Variants in TENT4A observed in about 807,000 individuals in gnomAD.
TENT4A encodes DNA polymerase kappa.
Under a neutral mutation model 72.8 loss-of-function variants are expected in TENT4A, and 7 were observed. That is an observed-to-expected ratio of 0.10 (90% CI 0.05 to 0.18). The LOEUF (loss-of-function observed/expected upper bound fraction) is 0.18, where lower values mean the gene tolerates loss of function less well. TENT4A is among the 10% of genes least tolerant of loss of function. The probability of loss-of-function intolerance (pLI) is 1.00; values close to 1 mark genes in which losing one functional copy is unlikely to be tolerated. For synonymous variants in TENT4A, 456 were observed against 434.3 expected (o/e 1.05, Z -0.62); for missense variants, 831 against 1,017.7 (o/e 0.82, Z 2.50).
intron 1 of TENT4A, among the ~76,000 whole-genome samples, chr5:6,718,759 G>T (rs1740507225): frequency 6.6e-6 from 1 of 152,218 alleles, no homozygotes; most frequent in Non-Finnish European, 1.5e-5. Flanking sequence ...TGAAAATCGA[G>T]TGCAAGACAC....
At chr5:6,719,181 A>G (rs891196014) in intron 1 of TENT4A, among the ~76,000 whole-genome samples, 47 of 152,268 alleles carry the variant, frequency 3.1e-4, no homozygotes, top group African/African-American at 1.0e-3. Context: ...GTCTCAAGGT[A>G]AAGTCTCAAA....
rs201308363 is a variant in TENT4A, at chr5:6,742,562, G to A, written c.1081G>A (p.Val361Ile). ...CATCAGCTTTAACATGGAGACGGGC[G>A]TCCGGGCAGCGGAGTTCATCAAGAA... is the stretch of plus-strand genomic sequence containing the variant. ...VDISFNMETGVRAAEFIKNYM... is the reference protein window; with the variant it reads ...VDISFNMETGIRAAEFIKNYM... The change falls in exon 5 of 13, where the codon GTC becomes ATC. Residue 361 changes from valine to isoleucine, a missense_variant. Physicochemically the swap from Val to Ile is conservative, Grantham distance 29. Transcript: ENST00000230859. 3.1e-5 allele frequency: 50 copies of A among 1,612,964 alleles called. 1 individual carries two copies. The highest frequency in any genetic ancestry group is 6.7e-5 in the East Asian group (3 of 44,878).
chr5:6,750,126 A>G (rs1742315438), intron 9 of TENT4A, among the ~76,000 whole-genome samples: 1 of 152,264 alleles, frequency 6.6e-6, no homozygotes, highest in Non-Finnish European at 1.5e-5. Context: ...TGATTTGCAT[A>G]CCCAAGTTAT....
rs10037633 is a variant in TENT4A, at chr5:6,755,243, C to T, written c.*298C>T. Reference sequence around the variant, plus strand: ...CTGCAGGGACGTGAACATGCGCTTGCGGTTTGAGGTAGCCGTGTCTGTTCC... The same window carrying T: ...CTGCAGGGACGTGAACATGCGCTTGTGGTTTGAGGTAGCCGTGTCTGTTCC... On this transcript the variant is annotated 3_prime_UTR_variant, in exon 13 of 13. Transcript: ENST00000230859. 4.1e-3 allele frequency: 1,168 copies of T among 284,658 alleles called. 12 individuals carry two copies. The highest frequency in any genetic ancestry group is 0.022 in the African/African-American group (1,007 of 46,164). The allele number at this position is 284,658 out of a possible 1,614,324, so 17.6% of individuals were successfully genotyped here.
At chr5:6,754,603 A>T in intron 12 of TENT4A, 148 bp from the exon 13 acceptor site, 2 of 484,386 alleles carry the variant, frequency 4.1e-6, no homozygotes, top group East Asian at 6.6e-5. Context: ...TTTCTCTCAG[A>T]TGGAGGAGTT....
At position 6,746,369 on chromosome 5, in the gene TENT4A, A is replaced by G. The variant is rs1350783024; in HGVS notation, c.1401A>G (p.Lys467=). 1 of 1,614,098 alleles carries G rather than the reference A, an allele frequency of 6.2e-7. No homozygotes were observed. Reference sequence around the variant, plus strand: ...ATATCGCCAAAGAGGAGATCATGAAAGCCATGACCAGCGGGTACAGACCGT... The same window carrying G: ...ATATCGCCAAAGAGGAGATCATGAAGGCCATGACCAGCGGGTACAGACCGT... ...GAYIAKEEIM[K]AMTSGYRPSM... The change falls in exon 7 of 13, where the codon AAA becomes AAG. Residue 467 remains lysine (K), a synonymous_variant. Transcript: ENST00000230859.
At chr5:6,747,307 C>T (rs1742158434) in intron 7 of TENT4A, among the ~76,000 whole-genome samples, 1 of 152,140 alleles carries the variant, frequency 6.6e-6, no homozygotes, top group South Asian at 2.1e-4. Context: ...TGCTGGCTGC[C>T]CTCCTCTGCT....
rs1482436154 is a variant in TENT4A, at chr5:6,737,640, A to G, written c.840+7A>G. 1.2e-6 allele frequency: 2 copies of G among 1,613,170 alleles called. No individual in the cohort carries two copies. The highest frequency in any genetic ancestry group is 1.7e-5 in the Admixed American group (1 of 59,712). Reference sequence around the variant, plus strand: ...CCTTTGGCCGACGGCTGATGTGAGTATGTTCTTTGGAGTTCTGTGTCGCAC... The same window carrying G: ...CCTTTGGCCGACGGCTGATGTGAGTGTGTTCTTTGGAGTTCTGTGTCGCAC... On this transcript the variant is annotated splice_region_variant and intron_variant, in intron 2 of 12. Coordinates refer to ENST00000230859, the MANE Select transcript of TENT4A (RefSeq NM_006999.6).
At chr5:6,720,214 C>T (rs554181352) in intron 1 of TENT4A, among the ~76,000 whole-genome samples, 1 of 152,302 alleles carries the variant, frequency 6.6e-6, no homozygotes, top group East Asian at 1.9e-4. Flanking sequence ...GATAACCTGC[C>T]TACCTGAAGG....
In TENT4A at chr5:6,743,878, T is replaced by C. The variant is rs1741948913; in HGVS notation, c.1245+38T>C. The stretch of plus-strand genomic sequence containing the variant: ...TCTTGAGACTGTTTCTGTTGAGACA[T>C]GTGTAAGAGTAGACTCTTCCAACCA... On this transcript the variant is annotated intron_variant, in intron 6 of 12. Transcript: ENST00000230859. 3 of 1,603,160 alleles carry C rather than the reference T, an allele frequency of 1.9e-6. No individual in the cohort carries two copies. The South Asian group carries it at 3.3e-5, about 18-fold the overall frequency.
chr5:6,751,383 T>A lies in TENT4A; in HGVS notation c.2019+186T>A, dbSNP rs1432318647. 4 of 618,274 alleles carry A rather than the reference T, an allele frequency of 6.5e-6. No homozygotes were observed. In the East Asian group the frequency reaches 1.1e-4, roughly 17 times the overall value. The allele number at this position is 618,274 out of a possible 1,614,324, so 38.3% of individuals were successfully genotyped here. A position where few individuals can be genotyped will look rare whatever the true frequency, so the allele number is the denominator to read the frequency against. The stretch of plus-strand genomic sequence containing the variant: ...GGTGTTGAGGTCCCCCATGTATAGT[T>A]TCAGCAGCGAGGACACTGTGGTTCT... On this transcript the variant is annotated intron_variant, in intron 11 of 12. Transcript: ENST00000230859.
intron 7 of TENT4A, among the ~76,000 whole-genome samples, chr5:6,747,649 T>C (rs1218106695): frequency 6.6e-6 from 1 of 152,200 alleles, no homozygotes; most frequent in Non-Finnish European, 1.5e-5. Flanking sequence ...ATTGGAGACA[T>C]TGGCATTGTC....
rs576603285 is a variant in TENT4A, at chr5:6,738,671, T to G, written c.841-12T>G. The G allele has an allele frequency of 6.2e-7, 1 of 1,609,202 alleles. No individual in the cohort carries two copies. The highest frequency in any genetic ancestry group is 1.3e-5 in the African/African-American group (1 of 74,954). On this transcript the variant is annotated splice_polypyrimidine_tract_variant and intron_variant, in intron 2 of 12. Transcript: ENST00000230859. ...GTGGTATACATTTTAAGGCAACCACTCTTTCTTTCAGGTACAGATATTTGG... is the reference window on the plus strand; with the variant it reads ...GTGGTATACATTTTAAGGCAACCACGCTTTCTTTCAGGTACAGATATTTGG...
intron 1 of TENT4A, among the ~76,000 whole-genome samples, chr5:6,720,667 T>A (rs1022772848): frequency 1.4e-5 from 2 of 144,678 alleles, no homozygotes; most frequent in Non-Finnish European, 3.0e-5. Flanking sequence ...AGAGCGAGAC[T>A]CTGTCTCAAA....
chr5:6,745,881 C>T, intron 6 of TENT4A: 2 of 423,172 alleles, frequency 4.7e-6, no homozygotes, highest in Non-Finnish European at 7.6e-6. Flanking sequence ...ATTACATCTA[C>T]CATCCAGGTG....
intron 7 of TENT4A, among the ~76,000 whole-genome samples, chr5:6,747,671 G>A (rs1295169607): frequency 6.6e-6 from 1 of 152,150 alleles, no homozygotes; most frequent in Non-Finnish European, 1.5e-5. Context: ...TCAAGTGTCT[G>A]CTGAAATGTA....
intron 7 of TENT4A, among the ~76,000 whole-genome samples, chr5:6,746,991 C>T (rs2290616): frequency 0.24 from 35,867 of 152,086 alleles, 4,787 homozygotes; most frequent in East Asian, 0.39. Context: ...TTCCCATTGG[C>T]GTATTCAGGG....
At chr5:6,733,665 G>A (rs1741318976) in intron 1 of TENT4A, among the ~76,000 whole-genome samples, 1 of 152,054 alleles carries the variant, frequency 6.6e-6, no homozygotes, top group Non-Finnish European at 1.5e-5. Context: ...CTATTTTGTT[G>A]AGGAGAAATG....
intron 1 of TENT4A, among the ~76,000 whole-genome samples, chr5:6,735,307 A>C (rs1741423917): frequency 6.6e-6 from 1 of 152,222 alleles, no homozygotes; most frequent in African/African-American, 2.4e-5. Context: ...TGTGAGGTGC[A>C]GTAGGCCACA....
Sources: allele counts gnomAD v4.1 joint callset (sites outside exome capture counted in the v4.1 genomes callset), GRCh38; gene constraint gnomAD v4.1.1; transcripts MANE v1.5; gene names NCBI Gene and HGNC (gene_info 2026-07-23, HGNC 2026-07-21).